Variants in NOX5 observed in about 807,000 individuals in gnomAD.
NOX5 encodes NADPH oxidase 5.
Under a neutral mutation model 85.7 loss-of-function variants are expected in NOX5, and 76 were observed. That is an observed-to-expected ratio of 0.89 (90% CI 0.74 to 1.07). The LOEUF is 1.07. Ranked by LOEUF, NOX5 falls within the 50% of genes least tolerant of loss-of-function variation. The probability of loss-of-function intolerance (pLI) is 0.00; values close to 1 mark genes in which losing one functional copy is unlikely to be tolerated. For missense variants in NOX5, 973 were observed against 999.5 expected (o/e 0.97, Z 0.36); for synonymous variants, 405 against 401.4 (o/e 1.01, Z -0.11).
chr15:69,022,461 G>T, intron 1 of NOX5: 2 of 176,046 alleles, frequency 1.1e-5, no homozygotes, highest in Non-Finnish European at 1.3e-5. Flanking sequence ...TGCCATTCTG[G>T]GACCCGCAAG....
At chr15:69,023,572 A>C (rs1301782619) in intron 1 of NOX5, 1 of 226,920 alleles carries the variant, frequency 4.4e-6, no homozygotes, top group Non-Finnish European at 8.8e-6. Context: ...AGATCTTTAT[A>C]CACAAATATA....
chr15:69,036,966 G>A, intron 7 of NOX5, 62 bp from the exon 8 acceptor site: 1 of 1,343,224 alleles, frequency 7.4e-7, no homozygotes, highest in Non-Finnish European at 1.1e-6. Flanking sequence ...CCTGAGTCCT[G>A]GCTCTGTTCC....
intron 1 of NOX5, among the ~76,000 whole-genome samples, chr15:69,024,380 C>T (rs948910018): frequency 6.6e-6 from 1 of 152,072 alleles, no homozygotes; most frequent in Non-Finnish European, 1.5e-5. Flanking sequence ...ATCAACAGTT[C>T]ATAGGTTTTA....
chr15:69,016,951 G>A (rs2050238600), intron 1 of NOX5, among the ~76,000 whole-genome samples: 1 of 152,058 alleles, frequency 6.6e-6, no homozygotes, highest in Non-Finnish European at 1.5e-5. Flanking sequence ...GCCATCATGG[G>A]AAGGAGGGAC....
chr15:69,046,015 T>C (rs1167017002), intron 10 of NOX5: 1 of 152,348 alleles, frequency 6.6e-6, no homozygotes, highest in Non-Finnish European at 1.5e-5. Context: ...GTCCTTCCCA[T>C]GCTTTCAGCC....
chr15:69,055,947 G>A (rs1258888807), intron 15 of NOX5, among the ~76,000 whole-genome samples: 3 of 152,176 alleles, frequency 2.0e-5, no homozygotes, highest in Non-Finnish European at 4.4e-5. Context: ...ACTTGTCAGG[G>A]TTTGCGGTTT....
intron 10 of NOX5, among the ~76,000 whole-genome samples, chr15:69,044,285 T>C (rs2140272949): frequency 6.6e-6 from 1 of 152,302 alleles, no homozygotes. Context: ...ATTTTCCAGG[T>C]TCTGTTCTAG....
chr15:69,035,624 G>A, intron 6 of NOX5, 117 bp downstream of exon 6: 6 of 1,552,318 alleles, frequency 3.9e-6, no homozygotes, highest in South Asian at 2.5e-5. Flanking sequence ...GGGGTGCCCT[G>A]GATAAGCCAA....
intron 13 of NOX5, 80 bp from the exon 14 acceptor site, chr15:69,048,879 T>G: frequency 9.9e-7 from 1 of 1,011,566 alleles, no homozygotes; most frequent in Non-Finnish European, 1.5e-6. Context: ...GGTGGTCATA[T>G]GGGTCCCAGG....
At chr15:69,027,130 G>C (rs1180690785) in intron 2 of NOX5, among the ~76,000 whole-genome samples, 1 of 152,130 alleles carries the variant, frequency 6.6e-6, no homozygotes, top group East Asian at 1.9e-4. Context: ...TCTCCTAGCT[G>C]TCCTTGGGAC....
At chr15:69,018,412 G>A (rs962935971) in intron 1 of NOX5, among the ~76,000 whole-genome samples, 1 of 152,126 alleles carries the variant, frequency 6.6e-6, no homozygotes, top group African/African-American at 2.4e-5. Flanking sequence ...TGAAAGCTTG[G>A]TCTCCATAAG....
chr15:69,049,037 C>T lies in NOX5; in HGVS notation c.1978C>T (p.Gln660Ter), dbSNP rs943288638. 5.6e-6 allele frequency: 9 copies of T among 1,611,944 alleles called. No individual in the cohort carries two copies. The highest frequency in any genetic ancestry group is 1.7e-5 in the Admixed American group (1 of 59,888). Reference sequence around the variant, plus strand: ...CCTGCTGACTAAACTGGAGATGGACCAGGCCGAGGAGGCTCAATACGGTAA... The same window carrying T: ...CCTGCTGACTAAACTGGAGATGGACTAGGCCGAGGAGGCTCAATACGGTAA... Reference protein sequence around the residue: ...VSLLTKLEMDQAEEAQYGRFL... With the variant: ...VSLLTKLEMD The change falls in exon 14 of 16, where the codon CAG becomes TAG. Residue 660 changes from glutamine (Q) to a stop codon, truncating the protein, a stop_gained. Transcript: ENST00000388866. LOFTEE classifies it high-confidence loss of function.
intron 9 of NOX5, among the ~76,000 whole-genome samples, chr15:69,041,982 C>T (rs1036324247): frequency 2.6e-5 from 4 of 151,780 alleles, no homozygotes; most frequent in African/African-American, 9.7e-5. Flanking sequence ...AAAAGATTGG[C>T]CATCCCTGCT....
At chr15:69,053,844 T>C (rs924605532) in intron 14 of NOX5, among the ~76,000 whole-genome samples, 3 of 152,208 alleles carry the variant, frequency 2.0e-5, no homozygotes, top group African/African-American at 7.2e-5. Context: ...GTCCCCCAGG[T>C]GGGCATCTCA....
At chr15:69,039,090 A>G (rs1351751629) in intron 9 of NOX5, 101 bp downstream of exon 9, 2 of 1,321,932 alleles carry the variant, frequency 1.5e-6, no homozygotes, top group East Asian at 2.3e-5. Context: ...GAACAAGGCC[A>G]GAAACACAAA....
At chr15:69,047,304 T>G in intron 11 of NOX5, 109 bp from the exon 12 acceptor site, 2 of 1,384,414 alleles carry the variant, frequency 1.4e-6, no homozygotes, top group South Asian at 1.6e-5. Flanking sequence ...GCCCAGGAGA[T>G]GTCTTTCTAT....
At position 69,049,054 on chromosome 15, in the gene NOX5, A is replaced by G; in HGVS notation, c.1995A>G (p.Gln665=). 6.2e-7 allele frequency: 1 copy of G among 1,610,150 alleles called. No individual in the cohort carries two copies. The part of the protein sequence containing the change: ...KLEMDQAEEA[Q]YGRFLELHMY... ...AGATGGACCAGGCCGAGGAGGCTCAATACGGTAAGAGAGGGACAGGGCCTG... is the reference window on the plus strand; with the variant it reads ...AGATGGACCAGGCCGAGGAGGCTCAGTACGGTAAGAGAGGGACAGGGCCTG... Residue 665 remains glutamine, a synonymous_variant, in exon 14 of 16, where the codon CAA becomes CAG. Coordinates refer to ENST00000388866, the MANE Select transcript of NOX5 (RefSeq NM_024505.4).
At chr15:69,036,919 T>C in intron 7 of NOX5, 109 bp from the exon 8 acceptor site, 1 of 845,818 alleles carries the variant, frequency 1.2e-6, no homozygotes, top group Non-Finnish European at 1.9e-6. Context: ...CGGGAGAGAG[T>C]CAAGGCTCTG....
chr15:69,047,684 C>T, intron 12 of NOX5, 146 bp from the exon 13 acceptor site: 1 of 1,333,180 alleles, frequency 7.5e-7, no homozygotes, highest in Non-Finnish European at 1.0e-6. Context: ...GCTCTGCCCC[C>T]CTCTCCTTTT....
Sources: gnomAD v4.1 joint callset for allele counts (sites outside exome capture counted in the v4.1 genomes callset) on GRCh38, gnomAD v4.1.1 for gene constraint, MANE v1.5 for transcripts, NCBI Gene and HGNC (gene_info 2026-07-23, HGNC 2026-07-21) for gene names.